Variants in KCNK1 observed in about 807,000 individuals in gnomAD.
KCNK1 encodes potassium channel subfamily K member 1.
KCNK1 carries 10 observed loss-of-function variants against 22.2 expected under a neutral mutation model. The ratio of observed to expected loss-of-function variants is 0.45; its 90% CI spans 0.28 to 0.76. The LOEUF (loss-of-function observed/expected upper bound fraction) is 0.76. Among genes scored for constraint, KCNK1 ranks in the 30% least tolerant of loss-of-function variants. The probability of loss-of-function intolerance (pLI) is 0.14; values close to 1 mark genes in which losing one functional copy is unlikely to be tolerated. For synonymous variants in KCNK1, 200 were observed against 186.4 expected, an observed-to-expected ratio of 1.07 and a Z score of -0.60; for missense variants, 378 against 421.0, an observed-to-expected ratio of 0.90 and a Z score of 0.89.
intron 1 of KCNK1, among the ~76,000 whole-genome samples, chr1:233,637,729 G>A (rs1209703699): frequency 6.6e-6 from 1 of 152,100 alleles, no homozygotes; most frequent in Non-Finnish European, 1.5e-5. Flanking sequence ...TGTAGTGTTG[G>A]AATGTAATGT....
intron 1 of KCNK1, among the ~76,000 whole-genome samples, chr1:233,615,153 C>T (rs936101712): frequency 2.6e-5 from 4 of 152,218 alleles, no homozygotes; most frequent in African/African-American, 9.6e-5. Flanking sequence ...GACCTCTGGG[C>T]GGACAGGCCG....
At chr1:233,661,208 C>A (rs192376863) in intron 1 of KCNK1, among the ~76,000 whole-genome samples, 37 of 152,242 alleles carry the variant, frequency 2.4e-4, no homozygotes, top group Non-Finnish European at 1.0e-4. Context: ...TATTTCTAAT[C>A]GTTCTTTCAC....
At chr1:233,616,926 T>C (rs1039594242) in intron 1 of KCNK1, among the ~76,000 whole-genome samples, 2 of 152,144 alleles carry the variant, frequency 1.3e-5, no homozygotes, top group Non-Finnish European at 2.9e-5. Context: ...AAGCAGACAA[T>C]TTTTTAGAGT....
chr1:233,667,044 T>TATTC, intron 2 of KCNK1, 54 bp downstream of exon 2: 1 of 1,271,982 alleles, frequency 7.9e-7, no homozygotes, highest in South Asian at 2.2e-5. Flanking sequence ...TTTATTTATT[T>TATTC]ATTTATTTAT....
chr1:233,630,646 G>T (rs143488710), intron 1 of KCNK1: 2 of 152,104 alleles, frequency 1.3e-5, no homozygotes, highest in African/African-American at 4.8e-5. Flanking sequence ...TTTTAACTAC[G>T]CACAGAATCA....
At chr1:233,644,977 G>A (rs372732299) in intron 1 of KCNK1, among the ~76,000 whole-genome samples, 2 of 148,558 alleles carry the variant, frequency 1.3e-5, no homozygotes, top group South Asian at 2.2e-4. Flanking sequence ...GGTGGATCAC[G>A]AGGTCAGGAG....
intron 1 of KCNK1, chr1:233,661,813 C>A (rs1658397327): frequency 6.6e-6 from 1 of 152,198 alleles, no homozygotes; most frequent in African/African-American, 2.4e-5. Flanking sequence ...TGCAAGATAT[C>A]TTGAAGTTAA....
At chr1:233,656,719 A>G (rs929170084) in intron 1 of KCNK1, among the ~76,000 whole-genome samples, 9 of 152,186 alleles carry the variant, frequency 5.9e-5, no homozygotes, top group African/African-American at 2.2e-4. Context: ...CCCAGCCTCA[A>G]TTGATCCTCC....
chr1:233,664,200 C>T (rs188307541), intron 1 of KCNK1, among the ~76,000 whole-genome samples: 3 of 152,248 alleles, frequency 2.0e-5, no homozygotes, highest in East Asian at 1.9e-4. Flanking sequence ...CTGCAATCAT[C>T]GGATCATCCC....
In KCNK1 at chr1:233,665,203, T is replaced by A. The variant is rs533713892; in HGVS notation, c.356-1392T>A. On this transcript the variant is annotated intron_variant, in intron 1 of 2. Transcript: ENST00000366621. ...ATGACCGGGGGGTGGGGGAAATGTG[T>A]CAGTTTATGAATGTGCCATTTAACC... Among the ~76,000 whole-genome samples the A allele has an allele frequency of 8.5e-5, 13 of 152,340 alleles. No homozygotes were observed. In the East Asian group the frequency reaches 2.5e-3, roughly 29 times the overall value.
rs751960105 is a variant in KCNK1 at position 233,614,282 on chromosome 1, C to T, written c.111C>T (p.Gly37=). The T allele has an allele frequency of 2.5e-6, 4 of 1,613,352 alleles. No individual in the cohort carries two copies. The East Asian group carries it at 8.9e-5, about 36-fold the overall frequency. ...VLGYLLYLVF[G]AVVFSSVELP... ...GCTACTTGCTCTACCTGGTCTTCGG[C>T]GCAGTGGTCTTCTCCTCGGTGGAGC... The change falls in exon 1 of 3, where the codon GGC becomes GGT. Residue 37 remains glycine, a synonymous_variant. Transcript: ENST00000366621.
chr1:233,666,936 C>T lies in KCNK1; in HGVS notation c.697C>T (p.Pro233Ser), dbSNP rs1251876169. ...LSTIGLGDYV[P>S]GEGYNQKFRE... is the part of the protein sequence containing the mutation. ...CACCATTGGCCTGGGGGATTATGTG[C>T]CTGGGGAAGGCTACAATCAAAAATT... Residue 233 changes from proline to serine, a missense_variant, in exon 2 of 3, where the codon CCT becomes TCT. Transcript: ENST00000366621. The T allele has an allele frequency of 6.2e-7, 1 of 1,613,760 alleles. No individual in the cohort carries two copies. The highest frequency in any genetic ancestry group is 8.5e-7 in the Non-Finnish European group (1 of 1,179,852).
At chr1:233,641,703 C>A (rs1264136140) in intron 1 of KCNK1, among the ~76,000 whole-genome samples, 1 of 152,056 alleles carries the variant, frequency 6.6e-6, no homozygotes, top group South Asian at 2.1e-4. Context: ...TGAGACAGAT[C>A]CCTGTAACAA....
At chr1:233,625,769 C>G (rs6693565) in intron 1 of KCNK1, among the ~76,000 whole-genome samples, 6 of 151,942 alleles carry the variant, frequency 3.9e-5, no homozygotes, top group African/African-American at 1.5e-4. Context: ...ATGGCACTTA[C>G]GTAAAGAGTG....
At chr1:233,655,168 A>T (rs1658268189) in intron 1 of KCNK1, among the ~76,000 whole-genome samples, 1 of 152,186 alleles carries the variant, frequency 6.6e-6, no homozygotes, top group Non-Finnish European at 1.5e-5. Flanking sequence ...TTCTCCAGAC[A>T]AAATTTTGGA....
chr1:233,664,580 T>C (rs1416551876), intron 1 of KCNK1, among the ~76,000 whole-genome samples: 4 of 152,172 alleles, frequency 2.6e-5, no homozygotes, highest in Non-Finnish European at 4.4e-5. Flanking sequence ...CTGGAATCTC[T>C]CCATGGGAAA....
At chr1:233,626,156 G>A (rs1384980022) in intron 1 of KCNK1, among the ~76,000 whole-genome samples, 1 of 151,950 alleles carries the variant, frequency 6.6e-6, no homozygotes, top group Non-Finnish European at 1.5e-5. Context: ...CAGAAAAGTG[G>A]TGATGAGAAG....
chr1:233,641,363 A>G (rs1657996928), intron 1 of KCNK1, among the ~76,000 whole-genome samples: 1 of 152,210 alleles, frequency 6.6e-6, no homozygotes, highest in South Asian at 2.1e-4. Flanking sequence ...CCAGGGTTTC[A>G]GGGTTAGAGA....
At chr1:233,653,035 C>T (rs1658227304) in intron 1 of KCNK1, among the ~76,000 whole-genome samples, 1 of 152,212 alleles carries the variant, frequency 6.6e-6, no homozygotes, top group Admixed American at 6.5e-5. Flanking sequence ...CAGCCACCTT[C>T]TTTATCAGGC....
Sources: gnomAD v4.1 joint callset for allele counts (sites outside exome capture counted in the v4.1 genomes callset) on GRCh38, gnomAD v4.1.1 for gene constraint, MANE v1.5 for transcripts, NCBI Gene and HGNC (gene_info 2026-07-23, HGNC 2026-07-21) for gene names.